The following EPHB1 variants were observed in gnomAD, a reference collection of about 807,000 sequenced individuals.
EPHB1 encodes the protein ephrin type-B receptor 1.
A neutral mutation model predicts 94.4 loss-of-function variants in EPHB1; 30 were observed. The ratio of observed to expected loss-of-function variants is 0.32; its 90% confidence interval spans 0.24 to 0.43. The LOEUF (loss-of-function observed/expected upper bound fraction) is 0.43, where lower values mean the gene tolerates loss of function less well. Among genes scored for constraint, EPHB1 ranks in the 20% least tolerant of loss-of-function variants. The pLI, the probability that EPHB1 is intolerant of heterozygous loss-of-function variation, is 1.00. For missense variants in EPHB1, 1,055 were observed against 1,308.3 expected (o/e 0.81, Z 2.99); for synonymous variants, 522 against 489.1 (o/e 1.07, Z -0.89).
chr3:135,246,819 A>AT (rs549919237), intron 13 of EPHB1, among the ~76,000 whole-genome samples: 89 of 152,222 alleles, frequency 5.8e-4, no homozygotes, highest in African/African-American at 2.1e-3. Flanking sequence ...TGTATGCTTG[A>AT]TTTTCACCCT....
intron 1 of EPHB1, among the ~76,000 whole-genome samples, chr3:134,822,732 T>C (rs543864904): frequency 6.6e-6 from 1 of 152,350 alleles, no homozygotes; most frequent in South Asian, 2.1e-4. Flanking sequence ...ACCCTTCTAT[T>C]TTAAAATAGC....
rs746829738 is a variant in EPHB1, at chr3:135,133,024, T to G, written c.1272T>G (p.Ser424=). The G allele has an allele frequency of 6.3e-7, 1 of 1,597,616 alleles. No homozygotes were observed. Among genetic ancestry groups the G allele is most frequent in the South Asian group, 1.1e-5 (1 of 90,012 alleles). ...GTCCCTTCCCCCCACAGCACGTCTC[T>G]GTCAACATCACCACAAACCAAGCCG... ...SKSPFPPQHV[S]VNITTNQAAP... Residue 424 remains serine (S), a synonymous_variant, in exon 5 of 16, where the codon TCT becomes TCG. Transcript: ENST00000398015.
intron 1 of EPHB1, among the ~76,000 whole-genome samples, chr3:134,829,099 G>A (rs2036535827): frequency 6.6e-6 from 1 of 152,176 alleles, no homozygotes; most frequent in Non-Finnish European, 1.5e-5. Context: ...TTGAATAAAA[G>A]GAAAACTCTC....
At chr3:134,819,371 C>A (rs181375749) in intron 1 of EPHB1, among the ~76,000 whole-genome samples, 1 of 152,056 alleles carries the variant, frequency 6.6e-6, no homozygotes, top group Admixed American at 6.5e-5. Context: ...CCATTTCCTA[C>A]GAGGGAGGCA....
intron 3 of EPHB1, among the ~76,000 whole-genome samples, chr3:134,953,341 A>G (rs1485976603): frequency 6.6e-6 from 1 of 152,252 alleles, no homozygotes; most frequent in Admixed American, 6.5e-5. Flanking sequence ...GAGAACAGGG[A>G]GCTGCGCCTT....
chr3:134,795,381 C>T lies in EPHB1; in HGVS notation c.-251C>T, dbSNP rs1578089413. ...CCTCGCCCTCTCTCTCTCACACACG[C>T]ACGCACACACCCACCTCTCCCATAA... On this transcript the variant is annotated 5_prime_UTR_variant, in exon 1 of 16. Transcript: ENST00000398015. 6 of 525,706 alleles carry T rather than the reference C, an allele frequency of 1.1e-5. No homozygotes were observed. The highest frequency in any genetic ancestry group is 2.0e-5 in the Non-Finnish European group (6 of 301,624). The allele number at this position is 525,706 out of a possible 1,614,324, so 32.6% of individuals were successfully genotyped here.
chr3:135,004,873 A>G (rs908789288), intron 3 of EPHB1, among the ~76,000 whole-genome samples: 2 of 151,860 alleles, frequency 1.3e-5, no homozygotes, highest in Non-Finnish European at 2.9e-5. Flanking sequence ...AATTTTTTTC[A>G]AAGTTTTCAA....
intron 1 of EPHB1, among the ~76,000 whole-genome samples, chr3:134,838,783 A>G (rs1201220088): frequency 6.6e-6 from 1 of 152,226 alleles, no homozygotes; most frequent in African/African-American, 2.4e-5. Flanking sequence ...AGCTCAGAGC[A>G]GCCACCGCCA....
At chr3:135,227,679 A>G (rs1482100451) in intron 12 of EPHB1, among the ~76,000 whole-genome samples, 2 of 152,192 alleles carry the variant, frequency 1.3e-5, no homozygotes, top group Non-Finnish European at 2.9e-5. Context: ...ACTCGTATGT[A>G]TATTTCTATA....
At chr3:135,064,445 G>A (rs1459172808) in intron 3 of EPHB1, among the ~76,000 whole-genome samples, 1 of 151,984 alleles carries the variant, frequency 6.6e-6, no homozygotes, top group African/African-American at 2.4e-5. Context: ...GTTTTTCCAG[G>A]AATTTATCCA....
chr3:134,959,966 CTTTTTTTTTTTTTTTTTTTTTT>C (rs61369813), intron 3 of EPHB1, among the ~76,000 whole-genome samples: 28 of 107,424 alleles, frequency 2.6e-4, no homozygotes, highest in African/African-American at 4.5e-4. Context: ...ACATCTGCAC[CTTTTTTTTTTTTTTTTTTTTTT>C]TTTTTTTTTT....
intron 7 of EPHB1, among the ~76,000 whole-genome samples, chr3:135,165,362 C>T (rs1501207): frequency 0.23 from 35,348 of 152,092 alleles, 5,395 homozygotes; most frequent in East Asian, 0.55. Context: ...CTCTATGACC[C>T]GTAGGCTTCC....
chr3:134,893,623 C>T (rs2038029649), intron 1 of EPHB1, among the ~76,000 whole-genome samples: 1 of 152,228 alleles, frequency 6.6e-6, no homozygotes, highest in Non-Finnish European at 1.5e-5. Context: ...GTACCAGCCT[C>T]CTCGCCATCA....
At chr3:134,884,644 T>G (rs947629267) in intron 1 of EPHB1, among the ~76,000 whole-genome samples, 1 of 152,234 alleles carries the variant, frequency 6.6e-6, no homozygotes, top group East Asian at 1.9e-4. Flanking sequence ...TTAATAATAC[T>G]CTTTCCTTTG....
intron 1 of EPHB1, among the ~76,000 whole-genome samples, chr3:134,904,746 G>A (rs2038283137): frequency 6.6e-6 from 1 of 152,226 alleles, no homozygotes; most frequent in Non-Finnish European, 1.5e-5. Context: ...AGTCAGGGAA[G>A]ACATCTGACT....
chr3:134,836,144 G>A (rs1356894788), intron 1 of EPHB1, among the ~76,000 whole-genome samples: 2 of 152,222 alleles, frequency 1.3e-5, no homozygotes, highest in Non-Finnish European at 2.9e-5. Flanking sequence ...GCTGGGCACA[G>A]CCATCCAGTC....
chr3:134,936,354 G>C lies in EPHB1; in HGVS notation c.123+10474G>C, dbSNP rs151301995. 6.0e-4 allele frequency among the ~76,000 whole-genome samples: 92 copies of C among 152,246 alleles called. 2 individuals are homozygous for C. The East Asian group carries it at 0.016, about 27-fold the overall frequency. The stretch of plus-strand genomic sequence containing the variant: ...TCAAAGAGGAGCCTGGAGCAGGTGA[G>C]CCCTGGCCAGAGATCCTCAAGAGAA... On this transcript the variant is annotated intron_variant, in intron 2 of 15. Transcript: ENST00000398015.
At chr3:135,051,157 A>G (rs554454082) in intron 3 of EPHB1, among the ~76,000 whole-genome samples, 1 of 152,302 alleles carries the variant, frequency 6.6e-6, no homozygotes, top group South Asian at 2.1e-4. Context: ...ATCCACTGGT[A>G]GTAGCTAATA....
At chr3:134,959,222 A>G (rs910115720) in intron 3 of EPHB1, among the ~76,000 whole-genome samples, 14 of 152,142 alleles carry the variant, frequency 9.2e-5, no homozygotes, top group Admixed American at 5.2e-4. Context: ...ACGTCTTCCC[A>G]TGAAGACCTC....
Sources: gnomAD v4.1 joint callset for allele counts (sites outside exome capture counted in the v4.1 genomes callset) on GRCh38, gnomAD v4.1.1 for gene constraint, MANE v1.5 for transcripts, NCBI Gene and HGNC (gene_info 2026-07-23, HGNC 2026-07-21) for gene names.